Variants in SLC17A5 observed in about 807,000 individuals in gnomAD.
The protein encoded by SLC17A5 is sialin.
In SLC17A5, 47 loss-of-function variants were observed where a neutral mutation model predicts 59.4. The ratio of observed to expected loss-of-function variants is 0.79; its 90% CI spans 0.63 to 1.01. The LOEUF (loss-of-function observed/expected upper bound fraction) is 1.01, where lower values mean the gene tolerates loss of function less well. Ranked by LOEUF, SLC17A5 falls within the 50% of genes least tolerant of loss-of-function variation. The pLI is 0.00. For synonymous variants in SLC17A5, 202 were observed against 210.7 expected (o/e 0.96, Z 0.36); for missense variants, 522 against 595.5 (o/e 0.88, Z 1.28).
At chr6:73,646,285 T>C (rs1271069250) in intron 1 of SLC17A5, among the ~76,000 whole-genome samples, 1 of 152,218 alleles carries the variant, frequency 6.6e-6, no homozygotes, top group Non-Finnish European at 1.5e-5. Context: ...TGAACTGATT[T>C]AGACTGAAAC....
rs892330310 is a variant in SLC17A5 at position 73,653,991 on chromosome 6, G to A, written c.-105C>T. On this transcript the variant is annotated 5_prime_UTR_variant, in exon 1 of 11. Transcript: ENST00000355773. ...GCTGGCTGGACCGGGCGGGGCGGGGGCGATGACACCGCCCCGCGGCCACGT... is the reference window on the plus strand; with the variant it reads ...GCTGGCTGGACCGGGCGGGGCGGGGACGATGACACCGCCCCGCGGCCACGT... 2.0e-5 allele frequency: 20 copies of A among 1,005,420 alleles called. No homozygotes were observed. The highest frequency in any genetic ancestry group is 2.7e-5 in the Non-Finnish European group (18 of 673,626). The allele number at this position is 1,005,420 out of a possible 1,614,324, so 62.3% of individuals were successfully genotyped here.
chr6:73,631,835 T>C (rs1768727708), intron 6 of SLC17A5, among the ~76,000 whole-genome samples: 1 of 151,638 alleles, frequency 6.6e-6, no homozygotes, highest in Middle Eastern at 3.2e-3. Flanking sequence ...TTTCCTCTTA[T>C]TCATTTTTAA....
chr6:73,600,228 T>C (rs1766992786), intron 10 of SLC17A5, 123 bp downstream of exon 10: 6 of 803,954 alleles, frequency 7.5e-6, no homozygotes, highest in Non-Finnish European at 1.3e-5. Context: ...ATTTAGCTTT[T>C]TGTTGCTAAA....
chr6:73,640,139 G>A (rs1769215261), intron 3 of SLC17A5, among the ~76,000 whole-genome samples: 2 of 152,184 alleles, frequency 1.3e-5, no homozygotes, highest in African/African-American at 2.4e-5. Flanking sequence ...TAAATTAGTG[G>A]CATAAACTGG....
chr6:73,635,242 CT>C (rs1418592776), intron 6 of SLC17A5, 139 bp downstream of exon 6: 19 of 591,872 alleles, frequency 3.2e-5, no homozygotes, highest in Non-Finnish European at 5.4e-5. Flanking sequence ...CCAGACAATA[CT>C]TTGGATGTTC....
chr6:73,609,090 G>A (rs1248370292), intron 9 of SLC17A5, among the ~76,000 whole-genome samples: 2 of 152,176 alleles, frequency 1.3e-5, no homozygotes, highest in Non-Finnish European at 2.9e-5. Context: ...GTCCAGGTGT[G>A]AAGATTTTGA....
At chr6:73,635,340 A>G (rs770478148) in intron 6 of SLC17A5, 42 bp downstream of exon 6, 1 of 1,111,844 alleles carries the variant, frequency 9.0e-7, no homozygotes, top group Admixed American at 1.7e-5. Flanking sequence ...CTGAAGAAAA[A>G]AAGTTTCTGA....
chr6:73,652,271 A>G (rs1562003607), intron 1 of SLC17A5, among the ~76,000 whole-genome samples: 1 of 152,230 alleles, frequency 6.6e-6, no homozygotes, highest in Non-Finnish European at 1.5e-5. Flanking sequence ...TGTTTTTAAA[A>G]GGGATGCTAT....
intron 6 of SLC17A5, among the ~76,000 whole-genome samples, chr6:73,634,983 TAAAATGACTTA>T (rs1042306338): frequency 3.9e-5 from 6 of 152,112 alleles, no homozygotes; most frequent in African/African-American, 1.4e-4. Context: ...TAAAAGGTTT[TAAAATGACTTA>T]AAAATATTTT....
intron 2 of SLC17A5, among the ~76,000 whole-genome samples, chr6:73,643,516 G>C (rs1036335451): frequency 6.6e-6 from 1 of 151,704 alleles, no homozygotes; most frequent in Non-Finnish European, 1.5e-5. Context: ...TGCTCTTGTT[G>C]CCCAGGCTGG....
chr6:73,602,984 AT>A (rs969898842), intron 9 of SLC17A5, among the ~76,000 whole-genome samples: 1 of 152,200 alleles, frequency 6.6e-6, no homozygotes, highest in African/African-American at 2.4e-5. Flanking sequence ...AAAGAAAAAA[AT>A]AATGAAGTAA....
chr6:73,634,559 C>G (rs1768912431), intron 6 of SLC17A5, among the ~76,000 whole-genome samples: 1 of 152,064 alleles, frequency 6.6e-6, no homozygotes, highest in African/African-American at 2.4e-5. Flanking sequence ...GCCACCATGC[C>G]CAGCTAATTT....
chr6:73,633,080 G>A (rs77709108), intron 6 of SLC17A5, among the ~76,000 whole-genome samples: 111 of 152,220 alleles, frequency 7.3e-4, no homozygotes, highest in African/African-American at 2.5e-3. Flanking sequence ...TGACCTGCTG[G>A]ACTTAAGCAG....
intron 9 of SLC17A5, among the ~76,000 whole-genome samples, chr6:73,608,327 T>C (rs941970228): frequency 2.0e-5 from 3 of 152,160 alleles, no homozygotes; most frequent in African/African-American, 7.2e-5. Context: ...AGGACTTATT[T>C]CCATGGTGGA....
chr6:73,618,521 C>T, intron 7 of SLC17A5: 2 of 522,382 alleles, frequency 3.8e-6, no homozygotes, highest in South Asian at 3.4e-5. Flanking sequence ...GTTGGGTGCT[C>T]TACTGTCCTC....
At chr6:73,628,732 T>C (rs1224507596) in intron 6 of SLC17A5, among the ~76,000 whole-genome samples, 1 of 152,210 alleles carries the variant, frequency 6.6e-6, no homozygotes, top group Non-Finnish European at 1.5e-5. Flanking sequence ...GAATCTTGTA[T>C]TCAGAATGTA....
rs141113328 is a variant in SLC17A5 at position 73,598,156 on chromosome 6, G to A, written c.1350+2195C>T. ...GCAATGAGTGAACTTAAAATCAATC[G>A]TTGTACTACAAGTCTCACACAGCTC... On this transcript the variant is annotated intron_variant, in intron 10 of 10. Coordinates refer to ENST00000355773, the MANE Select transcript of SLC17A5 (RefSeq NM_012434.5). Among the ~76,000 whole-genome samples the A allele has an allele frequency of 1.9e-3, 284 of 152,274 alleles. 2 individuals are homozygous for A. Among genetic ancestry groups the A allele is most frequent in the African/African-American group, 6.3e-3 (260 of 41,568 alleles).
intron 1 of SLC17A5, among the ~76,000 whole-genome samples, chr6:73,646,178 T>C (rs1270145913): frequency 1.3e-5 from 2 of 152,208 alleles, no homozygotes; most frequent in African/African-American, 4.8e-5. Context: ...TGTGTGTATG[T>C]TTTTCCCCTA....
intron 1 of SLC17A5, 100 bp downstream of exon 1, chr6:73,653,693 C>T (rs1041083252): frequency 1.6e-4 from 199 of 1,275,856 alleles, no homozygotes; most frequent in Middle Eastern, 2.4e-4. Context: ...GCTCCGGTCC[C>T]GCCGGCGCAG....
Sources: allele counts gnomAD v4.1 joint callset (sites outside exome capture counted in the v4.1 genomes callset), GRCh38; gene constraint gnomAD v4.1.1; transcripts MANE v1.5; gene names NCBI Gene and HGNC (gene_info 2026-07-23, HGNC 2026-07-21).